The following ITPKB variants were observed in gnomAD, a reference collection of about 807,000 sequenced individuals.
ITPKB encodes IP3 3-kinase B.
A neutral mutation model predicts 69.4 loss-of-function variants in ITPKB; 13 were observed. The observed-to-expected ratio is 0.19, with a 90% CI of 0.12 to 0.30. ITPKB has a LOEUF of 0.30. Among genes scored for constraint, ITPKB ranks in the 10% least tolerant of loss-of-function variants. The probability of loss-of-function intolerance (pLI) is 1.00; values close to 1 mark genes in which losing one functional copy is unlikely to be tolerated. For synonymous variants in ITPKB, 584 were observed against 513.7 expected (o/e 1.14, Z -1.85); for missense variants, 1,240 against 1,250.5 (o/e 0.99, Z 0.13).
rs528590038 is a variant in ITPKB, at chr1:226,694,315, C to A, written c.1932+41212G>T. Among the ~76,000 whole-genome samples the A allele has an allele frequency of 3.3e-5, 5 of 152,300 alleles. No homozygotes were observed. In the East Asian group the frequency reaches 7.7e-4, roughly 23 times the overall value. ...TTTTGAAGCTGTTAGAACAACTATA[C>A]CCCTAGAGGCTACTGATAACAGACC... On this transcript the variant is annotated intron_variant, in intron 2 of 7. Coordinates refer to ENST00000429204, the MANE Select transcript of ITPKB (RefSeq NM_002221.4).
At chr1:226,710,411 A>G (rs1474975725) in intron 2 of ITPKB, among the ~76,000 whole-genome samples, 1 of 152,266 alleles carries the variant, frequency 6.6e-6, no homozygotes, top group East Asian at 1.9e-4. Flanking sequence ...AAAAAGTGCC[A>G]TAAAACGTAC....
At chr1:226,681,360 A>AGCAATTAATTG (rs1384396733) in intron 2 of ITPKB, among the ~76,000 whole-genome samples, 1 of 152,188 alleles carries the variant, frequency 6.6e-6, no homozygotes, top group Non-Finnish European at 1.5e-5. Context: ...TGGGCAGAGA[A>AGCAATTAATTG]GGCAGGGAAA....
intron 2 of ITPKB, among the ~76,000 whole-genome samples, chr1:226,730,268 G>A (rs1317535710): frequency 6.6e-6 from 1 of 152,154 alleles, no homozygotes; most frequent in African/African-American, 2.4e-5. Flanking sequence ...TAGCACCATC[G>A]TCACTTGGTT....
At chr1:226,649,054 G>A (rs959162951) in intron 2 of ITPKB, among the ~76,000 whole-genome samples, 5 of 152,204 alleles carry the variant, frequency 3.3e-5, no homozygotes, top group African/African-American at 7.2e-5. Context: ...CCACCCAGCC[G>A]CACCACATTA....
chr1:226,682,382 G>A (rs1656113231), intron 2 of ITPKB, among the ~76,000 whole-genome samples: 1 of 152,218 alleles, frequency 6.6e-6, no homozygotes, highest in Admixed American at 6.5e-5. Flanking sequence ...GGACTTCTGT[G>A]TACTGGCAGT....
chr1:226,695,762 GAGA>G (rs373572278), intron 2 of ITPKB, among the ~76,000 whole-genome samples: 3 of 152,338 alleles, frequency 2.0e-5, no homozygotes, highest in African/African-American at 7.2e-5. Context: ...CAAGAGGGAA[GAGA>G]AGAAGGACAG....
At chr1:226,659,223 C>T (rs1367053087) in intron 2 of ITPKB, among the ~76,000 whole-genome samples, 1 of 152,114 alleles carries the variant, frequency 6.6e-6, no homozygotes, top group Non-Finnish European at 1.5e-5. Context: ...ACCCAGGGGC[C>T]CTCCATCATG....
At position 226,737,291 on chromosome 1, in the gene ITPKB, G is replaced by A. The variant is rs1337339502; in HGVS notation, c.168C>T (p.Phe56=). The A allele has an allele frequency of 3.2e-6, 5 of 1,563,102 alleles. No homozygotes were observed. The highest frequency in any genetic ancestry group is 3.4e-6 in the Non-Finnish European group (4 of 1,162,094). ...ACAGCGACTCGGCTGGGGGGAAGAG[G>A]AAAGAGGCGCCTCTCCCGGGGCTGA... ...SVFSPGRGAS[F]LFPPAESLSP... The change falls in exon 2 of 8, where the codon TTC becomes TTT. Residue 56 remains phenylalanine (F), a synonymous_variant. Coordinates refer to ENST00000429204, the MANE Select transcript of ITPKB (RefSeq NM_002221.4).
intron 2 of ITPKB, among the ~76,000 whole-genome samples, chr1:226,721,348 C>CAAA (rs11353595): frequency 1.5e-5 from 1 of 64,648 alleles, no homozygotes; most frequent in Non-Finnish European, 3.1e-5. Flanking sequence ...AACTCTGTCT[C>CAAA]AAAAAAAAAA....
At chr1:226,680,141 G>T (rs1398639207) in intron 2 of ITPKB, among the ~76,000 whole-genome samples, 1 of 152,210 alleles carries the variant, frequency 6.6e-6, no homozygotes, top group Non-Finnish European at 1.5e-5. Context: ...TTGGGGAGGG[G>T]TTTTCAACCC....
intron 2 of ITPKB, among the ~76,000 whole-genome samples, chr1:226,710,450 T>G (rs1175163656): frequency 6.6e-6 from 1 of 152,238 alleles, no homozygotes. Flanking sequence ...TCCTTTCTTC[T>G]GCAGGGTTTC....
chr1:226,679,604 G>A (rs1474221019), intron 2 of ITPKB, among the ~76,000 whole-genome samples: 1 of 152,130 alleles, frequency 6.6e-6, no homozygotes, highest in Admixed American at 6.5e-5. Flanking sequence ...GTTGAAAGAA[G>A]AAAGACGATA....
At chr1:226,659,929 C>CT (rs1321982180) in intron 2 of ITPKB, among the ~76,000 whole-genome samples, 2 of 152,214 alleles carry the variant, frequency 1.3e-5, no homozygotes, top group Admixed American at 1.3e-4. Context: ...CCAGCACATG[C>CT]TAAGGGCCCA....
At chr1:226,644,905 G>A (rs1365693505) in intron 4 of ITPKB, among the ~76,000 whole-genome samples, 1 of 152,236 alleles carries the variant, frequency 6.6e-6, no homozygotes, top group Non-Finnish European at 1.5e-5. Context: ...CACAGTCCAT[G>A]GCCCAAATGG....
chr1:226,639,510 C>T (rs1326252149), intron 6 of ITPKB, 47 bp downstream of exon 6: 1 of 1,256,550 alleles, frequency 8.0e-7, no homozygotes, highest in Admixed American at 1.7e-5. Flanking sequence ...CACAGTTGTC[C>T]CTCCCTGGCT....
In ITPKB at chr1:226,707,796, C is replaced by T. The variant is rs143699167; in HGVS notation, c.1932+27731G>A. On this transcript the variant is annotated intron_variant, in intron 2 of 7. Transcript: ENST00000429204. ...CAGCACTTAGACTTTACAGATGACC[C>T]CGTAATTGGCTCAGTCTTTCCAGAG... The T allele has an allele frequency of 9.9e-3, 10,833 of 1,090,622 alleles. 74 individuals carry two copies. Among genetic ancestry groups the T allele is most frequent in the Non-Finnish European group, 0.011 (9,279 of 879,152 alleles). The allele number at this position is 1,090,622 out of a possible 1,614,324, so 67.6% of individuals were successfully genotyped here. A position where few individuals can be genotyped will look rare whatever the true frequency, so the allele number is the denominator to read the frequency against.
Position 226,637,033 on chromosome 1 carries a change from T to C in ITPKB, c.2625+646A>G, listed in dbSNP as rs368147216. On this transcript the variant is annotated intron_variant, in intron 7 of 7. Transcript: ENST00000429204. This position sits in a 1 kb window ranked among gnomAD's most constrained non-coding sequence, Gnocchi z 4.3. ...TGTGTGCATGTAGGGTTTATGAGTG[T>C]GATCTGTGAATGTGTGTGGTATAGG... is the stretch of plus-strand genomic sequence containing the variant. 2.6e-5 allele frequency among the ~76,000 whole-genome samples: 4 copies of C among 152,038 alleles called. No homozygotes were observed. In the South Asian group the frequency reaches 8.3e-4, roughly 32 times the overall value.
chr1:226,649,582 CGTGTGCATGT>C (rs1227136484), intron 2 of ITPKB, among the ~76,000 whole-genome samples: 2 of 148,162 alleles, frequency 1.3e-5, no homozygotes, highest in Non-Finnish European at 1.5e-5. Context: ...TGAGTGTGTG[CGTGTGCATGT>C]GTGTGCGTGC....
Position 226,632,114 on chromosome 1 carries a change from A to T in ITPKB, c.*2557T>A, listed in dbSNP as rs1049607233. On this transcript the variant is annotated 3_prime_UTR_variant, in exon 8 of 8. Transcript: ENST00000429204. ...AAACCCAACAAAATAAATATAACTT[A>T]AAAATGTCTTACATGACACTAAAGG... 2 of 152,690 alleles carry T rather than the reference A, an allele frequency of 1.3e-5. No individual in the cohort carries two copies. Among genetic ancestry groups the T allele is most frequent in the Non-Finnish European group, 2.9e-5 (2 of 68,048 alleles). 9.5% of individuals were successfully genotyped at this position (152,690 alleles called of 1,614,324 possible). A position where few individuals can be genotyped will look rare whatever the true frequency, so the allele number is the denominator to read the frequency against.
Sources: gnomAD v4.1 joint callset for allele counts (sites outside exome capture counted in the v4.1 genomes callset) on GRCh38, gnomAD v4.1.1 for gene constraint, Gnocchi (gnomAD v3.1) non-coding constraint, MANE v1.5 for transcripts, NCBI Gene and HGNC (gene_info 2026-07-23, HGNC 2026-07-21) for gene names.